Variants in CATSPERT observed in about 807,000 individuals in gnomAD.
CATSPERT encodes catsper channel auxiliary subunit tau.
At chr2:201,591,026 G>T in the CATSPERT span, among the ~76,000 whole-genome samples, 1 of 152,164 alleles carries the variant, frequency 6.6e-6, no homozygotes, top group African/African-American at 2.4e-5. Context: ...TGTTGCCATT[G>T]CTTTTGGTGT....
At chr2:201,612,214 T>C in the CATSPERT span, among the ~76,000 whole-genome samples, 4 of 152,162 alleles carry the variant, frequency 2.6e-5, no homozygotes, top group Non-Finnish European at 4.4e-5. Context: ...AGTTAAATAA[T>C]TGCCCAAGGT....
the CATSPERT span, among the ~76,000 whole-genome samples, chr2:201,618,526 CG>C: frequency 2.2e-3 from 263 of 118,646 alleles, 2 homozygotes; most frequent in African/African-American, 7.9e-3. Flanking sequence ...TACTTGGACA[CG>C]GGGGGGGAAC....
At chr2:201,499,828 G>A in the CATSPERT span, among the ~76,000 whole-genome samples, 1 of 147,550 alleles carries the variant, frequency 6.8e-6, no homozygotes, top group Non-Finnish European at 1.5e-5. Flanking sequence ...GTGAGACCCT[G>A]TCTAAAAAAA....
chr2:201,495,685 GT>G, the CATSPERT span, among the ~76,000 whole-genome samples: 79 of 131,136 alleles, frequency 6.0e-4, no homozygotes, highest in East Asian at 1.5e-3. Flanking sequence ...AATCCCCTTG[GT>G]TTTTTTTTTT....
At chr2:201,505,950 T>TA in the CATSPERT span, among the ~76,000 whole-genome samples, 1 of 152,104 alleles carries the variant, frequency 6.6e-6, no homozygotes, top group African/African-American at 2.4e-5. Context: ...AAGGTTATTT[T>TA]AAAAAACTAA....
the CATSPERT span, among the ~76,000 whole-genome samples, chr2:201,581,210 A>G: frequency 6.6e-6 from 1 of 151,560 alleles, no homozygotes; most frequent in Non-Finnish European, 1.5e-5. Flanking sequence ...GTACGAGACC[A>G]GCCTGGGCAA....
At chr2:201,550,343 T>C in the CATSPERT span, 14 of 152,200 alleles carry the variant, frequency 9.2e-5, no homozygotes, top group South Asian at 2.1e-4. Flanking sequence ...AATGAAAGCA[T>C]TGATCTTTCC....
the CATSPERT span, among the ~76,000 whole-genome samples, chr2:201,522,528 G>A: frequency 2.6e-5 from 4 of 152,184 alleles, no homozygotes; most frequent in African/African-American, 7.2e-5. Context: ...GGGTTGCCAA[G>A]CACAAGGACT....
At chr2:201,489,724 A>G in the CATSPERT span, among the ~76,000 whole-genome samples, 1 of 152,186 alleles carries the variant, frequency 6.6e-6, no homozygotes, top group African/African-American at 2.4e-5. Flanking sequence ...AGTTTTTCCA[A>G]TTATGGGTCA....
the CATSPERT span, among the ~76,000 whole-genome samples, chr2:201,534,044 CT>C: frequency 4.3e-5 from 1 of 23,058 alleles, no homozygotes; most frequent in Middle Eastern, 0.019. Context: ...TGTATATTAT[CT>C]ATCTATCTAT....
chr2:201,530,223 C>T, the CATSPERT span, among the ~76,000 whole-genome samples: 2 of 152,146 alleles, frequency 1.3e-5, no homozygotes, highest in South Asian at 2.1e-4. Flanking sequence ...AATAGAATTA[C>T]CATATGGTCC....
chr2:201,531,746 T>C, the CATSPERT span, among the ~76,000 whole-genome samples: 4 of 152,154 alleles, frequency 2.6e-5, no homozygotes, highest in African/African-American at 9.7e-5. Context: ...TAAGTTTAGT[T>C]TGTTCAAGGA....
the CATSPERT span, chr2:201,553,770 T>C: frequency 6.6e-6 from 1 of 152,184 alleles, no homozygotes; most frequent in African/African-American, 2.4e-5. Context: ...TTCCCACAAC[T>C]AAACATCTAT....
At chr2:201,565,604 A>G in the CATSPERT span, 1 of 956,508 alleles carries the variant, frequency 1.0e-6, no homozygotes, top group Non-Finnish European at 1.4e-6. Context: ...CAACGGCACC[A>G]TAATGAAAGT....
At chr2:201,503,450 G>A in the CATSPERT span, among the ~76,000 whole-genome samples, 2 of 152,108 alleles carry the variant, frequency 1.3e-5, no homozygotes, top group African/African-American at 4.8e-5. Flanking sequence ...AAGTGGGAGT[G>A]CAGTTGCAAA....
the CATSPERT span, among the ~76,000 whole-genome samples, chr2:201,569,445 T>C: frequency 2.6e-5 from 4 of 152,242 alleles, no homozygotes; most frequent in East Asian, 3.8e-4. Context: ...TCTTTGATTC[T>C]ACTGTCCATT....
At chr2:201,529,931 T>C in the CATSPERT span, among the ~76,000 whole-genome samples, 4 of 152,048 alleles carry the variant, frequency 2.6e-5, no homozygotes. Flanking sequence ...AACCTAATTT[T>C]AAAATGGGCA....
At chr2:201,589,635 C>A in the CATSPERT span, among the ~76,000 whole-genome samples, 1 of 151,920 alleles carries the variant, frequency 6.6e-6, no homozygotes, top group African/African-American at 2.4e-5. Flanking sequence ...AATGTAAAAC[C>A]CAAAACTATA....
the CATSPERT span, chr2:201,565,771 G>C: frequency 1.2e-6 from 2 of 1,601,970 alleles, no homozygotes; most frequent in Non-Finnish European, 1.7e-6. Context: ...TCGCACTACA[G>C]ATGGCTGGTT....
Sources: allele counts gnomAD v4.1 joint callset (sites outside exome capture counted in the v4.1 genomes callset), GRCh38; gene constraint gnomAD v4.1.1; transcripts MANE v1.5; gene names NCBI Gene and HGNC (gene_info 2026-07-23, HGNC 2026-07-21).